Variants in IL15RA observed in about 807,000 individuals in gnomAD.
IL15RA encodes interleukin-15 receptor subunit alpha.
IL15RA carries 26 observed loss-of-function variants against 24.2 expected under a neutral mutation model. The observed-to-expected ratio is 1.07, with a 90% CI of 0.79 to 1.49. IL15RA has a LOEUF of 1.49. Ranked by LOEUF, IL15RA falls within the 40% of genes most tolerant of loss-of-function variation. IL15RA has a pLI of 0.00. For synonymous variants in IL15RA, 166 were observed against 157.6 expected, an observed-to-expected ratio of 1.05 and a Z score of -0.40; for missense variants, 354 against 356.4, an observed-to-expected ratio of 0.99 and a Z score of 0.05.
chr10:5,966,388 A>G lies in IL15RA; in HGVS notation c.89-49T>C, dbSNP rs1380991234. On this transcript the variant is annotated intron_variant, in intron 1 of 6. Coordinates refer to ENST00000379977, the MANE Select transcript of IL15RA (RefSeq NM_002189.4). This position sits in a 1 kb window ranked among gnomAD's most constrained non-coding sequence, Gnocchi z 6.4. ...GACGGTGAAGAGGTTTCCACTTGTAAGAGGCGTTCTCCAGGCACACGCAGC... is the reference window on the plus strand; with the variant it reads ...GACGGTGAAGAGGTTTCCACTTGTAGGAGGCGTTCTCCAGGCACACGCAGC... 1.3e-6 allele frequency: 2 copies of G among 1,507,966 alleles called. No homozygotes were observed. The highest frequency in any genetic ancestry group is 1.8e-6 in the Non-Finnish European group (2 of 1,090,522). The allele number at this position is 1,507,966 out of a possible 1,614,324, so 93.4% of individuals were successfully genotyped here. A position where few individuals can be genotyped will look rare whatever the true frequency, so the allele number is the denominator to read the frequency against.
Position 5,966,298 on chromosome 10 carries a change from T to C in IL15RA, c.130A>G (p.Ile44Val), listed in dbSNP as rs757665187. Reference protein sequence around the residue: ...PPPMSVEHADIWVKSYSLYSR... With the variant: ...PPPMSVEHADVWVKSYSLYSR... ...TACAAGCTGTAGCTCTTGACCCAGA[T>C]GTCTGCGTGTTCCACGGACATGGGG... The change falls in exon 2 of 7, where the codon ATC (isoleucine) becomes GTC (valine). Residue 44 changes from isoleucine to valine, a missense_variant. By Grantham distance (29) the Ile-to-Val change is conservative. Coordinates refer to ENST00000379977, the MANE Select transcript of IL15RA (RefSeq NM_002189.4). The surrounding 1 kb of genome is among the most constrained non-coding windows in gnomAD (Gnocchi z 6.4). 3 of 1,613,218 alleles carry C rather than the reference T, an allele frequency of 1.9e-6. No homozygotes were observed. The highest frequency in any genetic ancestry group is 2.2e-5 in the South Asian group (2 of 91,078).
chr10:5,958,806 C>G lies in IL15RA; in HGVS notation c.616+948G>C, dbSNP rs757704027. Among the ~76,000 whole-genome samples the G allele has an allele frequency of 2.2e-4, 34 of 152,200 alleles. No homozygotes were observed. The highest frequency in any genetic ancestry group is 5.9e-5 in the Non-Finnish European group (4 of 68,046). On this transcript the variant is annotated intron_variant, in intron 5 of 6. Coordinates refer to ENST00000379977, the MANE Select transcript of IL15RA (RefSeq NM_002189.4). This position sits in a 1 kb window ranked among gnomAD's most constrained non-coding sequence, Gnocchi z 4.3. ...ACACCACAAAAATATGAGTCATTCT[C>G]TAGCAGAAAAATTTATGAACAGAAG...
Position 5,959,207 on chromosome 10 carries a change from T to C in IL15RA, c.616+547A>G, listed in dbSNP as rs1835080030. ...TTTTAATAGAGATGGGGTCTTGCTA[T>C]GTTGACCAGGCTGGCCTCAAATTCT... On this transcript the variant is annotated intron_variant, in intron 5 of 6. Coordinates refer to ENST00000379977, the MANE Select transcript of IL15RA (RefSeq NM_002189.4). The surrounding 1 kb of genome is among the most constrained non-coding windows in gnomAD (Gnocchi z 4.1). Among the ~76,000 whole-genome samples, 1 of 151,260 alleles carries C rather than the reference T, an allele frequency of 6.6e-6. No homozygotes were observed. Among genetic ancestry groups the C allele is most frequent in the Admixed American group, 6.6e-5 (1 of 15,168 alleles).
At chr10:5,957,890 C>A (rs1161664805) in intron 5 of IL15RA, among the ~76,000 whole-genome samples, 1 of 152,184 alleles carries the variant, frequency 6.6e-6, no homozygotes, top group Admixed American at 6.5e-5. Flanking sequence ...CAGCGCCCGG[C>A]TGATTTTTTA....
downstream of IL15RA, among the ~76,000 whole-genome samples, chr10:5,951,141 C>CAAAAAA (rs60771366): frequency 2.5e-4 from 9 of 35,950 alleles, no homozygotes; most frequent in East Asian, 4.8e-3. Flanking sequence ...GACTCAGTCT[C>CAAAAAA]AAAAAAAAAA....
Position 5,971,722 on chromosome 10 carries a change from TA to T in IL15RA, c.89-5384del, listed in dbSNP as rs2132654487. On this transcript the variant is annotated intron_variant, in intron 1 of 6. Transcript: ENST00000379977. This position sits in a 1 kb window ranked among gnomAD's most constrained non-coding sequence, Gnocchi z 5.5. ...ACAGTCACCCATCACCTTCCTTCCT[TA>T]TTTTCCCCGCTGAAATGTCAGCCAA... Among the ~76,000 whole-genome samples the T allele has an allele frequency of 6.6e-6, 1 of 152,298 alleles. No individual in the cohort carries two copies. Among genetic ancestry groups the T allele is most frequent in the South Asian group, 2.1e-4 (1 of 4,826 alleles).
rs192775490 is a variant in IL15RA at position 5,956,382 on chromosome 10, G to T, written c.689C>A (p.Ser230Ter). ...GGGAGTATCCAGTGCAACTCACCTT[G>T]ACTTGAGGTAGCATGCCAGGAGAGA... ...AVSLLACYLKSRQTPPLASVE... is the reference protein window; with the variant it reads ...AVSLLACYLK The change falls in exon 6 of 7, where the codon TCA (serine) becomes TAA (stop). Residue 230 changes from serine (S) to a stop codon, truncating the protein, a stop_gained. Coordinates refer to ENST00000379977, the MANE Select transcript of IL15RA (RefSeq NM_002189.4). LOFTEE classifies it low-confidence loss of function (END_TRUNC). The T allele has an allele frequency of 1.2e-6, 2 of 1,612,180 alleles. No individual in the cohort carries two copies. The highest frequency in any genetic ancestry group is 3.3e-5 in the Admixed American group (2 of 60,002).
At chr10:5,974,020 AAGAC>A (rs1314961549) in intron 1 of IL15RA, among the ~76,000 whole-genome samples, 3 of 151,990 alleles carry the variant, frequency 2.0e-5, no homozygotes, top group African/African-American at 7.3e-5. Context: ...AAAAAAAAAA[AAGAC>A]AGTCTCGCTC....
At chr10:5,969,084 GTTTTGA>G (rs1837123506) in intron 1 of IL15RA, among the ~76,000 whole-genome samples, 2 of 152,088 alleles carry the variant, frequency 1.3e-5, no homozygotes, top group African/African-American at 4.8e-5. Flanking sequence ...GTGTCTGTTT[GTTTTGA>G]CACCAATACC....
In IL15RA at chr10:5,977,475, C is replaced by T; in HGVS notation, c.18G>A (p.Ala6=). 7.4e-7 allele frequency: 1 copy of T among 1,356,638 alleles called. No individual in the cohort carries two copies. Among genetic ancestry groups the T allele is most frequent in the South Asian group, 1.8e-5 (1 of 56,378 alleles). The allele number at this position is 1,356,638 out of a possible 1,614,324, so 84.0% of individuals were successfully genotyped here. MAPRR[A]RGCRTLGLPA... ...GGAGACCGAGGGTCCGGCAGCCGCG[C>T]GCCCGCCGCGGGGCCATGGCGGCAG... Residue 6 remains alanine, a synonymous_variant, in exon 1 of 7, where the codon GCG becomes GCA. Transcript: ENST00000379977.
At chr10:5,976,033 C>G (rs917777937) in intron 1 of IL15RA, among the ~76,000 whole-genome samples, 1 of 152,216 alleles carries the variant, frequency 6.6e-6, no homozygotes, top group Non-Finnish European at 1.5e-5. Context: ...TGGTGCTCCC[C>G]TATCCACTCA....
chr10:5,965,420 A>G lies in IL15RA; in HGVS notation c.283+725T>C, dbSNP rs1403993170. Among the ~76,000 whole-genome samples, 3 of 152,250 alleles carry G rather than the reference A, an allele frequency of 2.0e-5. No homozygotes were observed. The highest frequency in any genetic ancestry group is 1.5e-5 in the Non-Finnish European group (1 of 68,040). On this transcript the variant is annotated intron_variant, in intron 2 of 6. Coordinates refer to ENST00000379977, the MANE Select transcript of IL15RA (RefSeq NM_002189.4). The surrounding 1 kb of genome is among the most constrained non-coding windows in gnomAD (Gnocchi z 5.8). ...AAACATTTCTCACACTAGCGTGCTC[A>G]TGAGTGCCCGCCCAGCTCTGCAGCC...
In IL15RA at chr10:5,971,548, GACTCCAACATTCCCC is replaced by G. The variant is rs1019976818; in HGVS notation, c.89-5224_89-5210del. ...CAATCCTGTGAGCAGAGTCAGAATG[GACTCCAACATTCCCC>G]TCGCTTACAGCACCTTTCAAATGCC... On this transcript the variant is annotated intron_variant, in intron 1 of 6. Coordinates refer to ENST00000379977, the MANE Select transcript of IL15RA (RefSeq NM_002189.4). This position sits in a 1 kb window ranked among gnomAD's most constrained non-coding sequence, Gnocchi z 5.5. Among the ~76,000 whole-genome samples the G allele has an allele frequency of 2.6e-5, 4 of 152,166 alleles. No homozygotes were observed. In the East Asian group the frequency reaches 7.7e-4, roughly 29 times the overall value.
chr10:5,954,562 G>A (rs2132265966), intron 6 of IL15RA, among the ~76,000 whole-genome samples: 1 of 152,310 alleles, frequency 6.6e-6, no homozygotes, highest in Admixed American at 6.5e-5. Flanking sequence ...CCAAAGTGCT[G>A]GGATTACAGG....
chr10:5,950,131 A>G (rs555673463), downstream of IL15RA, among the ~76,000 whole-genome samples: 2 of 152,294 alleles, frequency 1.3e-5, no homozygotes, highest in African/African-American at 4.8e-5. This position sits in a 1 kb window ranked among gnomAD's most constrained non-coding sequence, Gnocchi z 5.6. Context: ...AAGAAAAATC[A>G]AGGCAAAATA....
At position 5,963,837 on chromosome 10, in the gene IL15RA, G is replaced by A. The variant is rs1486576698; in HGVS notation, c.288C>T (p.Asp96=). The A allele has an allele frequency of 3.2e-6, 5 of 1,558,772 alleles. No homozygotes were observed. In the South Asian group the frequency reaches 6.2e-5, roughly 19 times the overall value. Residue 96 remains aspartate, a synonymous_variant, in exon 3 of 7, where the codon GAC becomes GAT. Coordinates refer to ENST00000379977, the MANE Select transcript of IL15RA (RefSeq NM_002189.4). This position sits in a 1 kb window ranked among gnomAD's most constrained non-coding sequence, Gnocchi z 5.3. ...WTTPSLKCIR[D]PALVHQRPAP... is the part of the protein sequence containing the mutation. ...CTGGCCTTTGGTGAACCAGGGCAGGGTCTCCTAGAGAGAGGATAACCACAT... is the reference window on the plus strand; with the variant it reads ...CTGGCCTTTGGTGAACCAGGGCAGGATCTCCTAGAGAGAGGATAACCACAT...
rs1029584898 is a variant in IL15RA, at chr10:5,953,273, C to A, written c.693-67G>T. 1 of 1,137,548 alleles carries A rather than the reference C, an allele frequency of 8.8e-7. No homozygotes were observed. Among genetic ancestry groups the A allele is most frequent in the Admixed American group, 1.7e-5 (1 of 57,398 alleles). The allele number at this position is 1,137,548 out of a possible 1,614,324, so 70.5% of individuals were successfully genotyped here. Reference sequence around the variant, plus strand: ...GTTGCCCTCAAATCAACAGACGCTTCCCACTGAGCATGTATGTCCAGCACT... The same window carrying A: ...GTTGCCCTCAAATCAACAGACGCTTACCACTGAGCATGTATGTCCAGCACT... On this transcript the variant is annotated intron_variant, in intron 6 of 6. Transcript: ENST00000379977. The surrounding 1 kb of genome is among the most constrained non-coding windows in gnomAD (Gnocchi z 5.3).
At position 5,965,331 on chromosome 10, in the gene IL15RA, C is replaced by T. The variant is rs574261510; in HGVS notation, c.283+814G>A. Among the ~76,000 whole-genome samples the T allele has an allele frequency of 2.6e-5, 4 of 152,380 alleles. No individual in the cohort carries two copies. The highest frequency in any genetic ancestry group is 2.0e-4 in the Admixed American group (3 of 15,314). On this transcript the variant is annotated intron_variant, in intron 2 of 6. Coordinates refer to ENST00000379977, the MANE Select transcript of IL15RA (RefSeq NM_002189.4). This position sits in a 1 kb window ranked among gnomAD's most constrained non-coding sequence, Gnocchi z 5.8. ...CTGCTCCAGGGCCTGTGCCCATCCC[C>T]GGGGCTGGGTACTGAGAGAGGAGCA...
In IL15RA at chr10:5,965,054, C is replaced by T. The variant is rs1335960717; in HGVS notation, c.283+1091G>A. On this transcript the variant is annotated intron_variant, in intron 2 of 6. Coordinates refer to ENST00000379977, the MANE Select transcript of IL15RA (RefSeq NM_002189.4). This position sits in a 1 kb window ranked among gnomAD's most constrained non-coding sequence, Gnocchi z 5.8. The stretch of plus-strand genomic sequence containing the variant: ...CCCCTCTGTCCCCTGCTGCAGAGGG[C>T]GTGAGCTATGGGGCCGCTCCATGCA... Among the ~76,000 whole-genome samples, 2 of 152,164 alleles carry T rather than the reference C, an allele frequency of 1.3e-5. No homozygotes were observed. Among genetic ancestry groups the T allele is most frequent in the African/African-American group, 2.4e-5 (1 of 41,438 alleles).
Sources: gnomAD v4.1 joint callset for allele counts (sites outside exome capture counted in the v4.1 genomes callset) on GRCh38, gnomAD v4.1.1 for gene constraint, Gnocchi (gnomAD v3.1) non-coding constraint, MANE v1.5 for transcripts, NCBI Gene and HGNC (gene_info 2026-07-23, HGNC 2026-07-21) for gene names.